The following KATNIP variants were observed in gnomAD, a reference collection of about 807,000 sequenced individuals.
KATNIP encodes the protein katanin interacting protein.
In KATNIP, 126 loss-of-function variants were observed where a neutral mutation model predicts 174.0. The ratio of observed to expected loss-of-function variants is 0.72; its 90% CI spans 0.63 to 0.84. KATNIP has a LOEUF of 0.84. KATNIP is among the 40% of genes least tolerant of loss of function. The pLI is 0.00. For missense variants in KATNIP, 1,958 were observed against 2,109.7 expected, an observed-to-expected ratio of 0.93 and a Z score of 1.41; for synonymous variants, 810 against 835.7, an observed-to-expected ratio of 0.97 and a Z score of 0.53.
chr16:27,552,058 A>T (rs192416243), intron 1 of KATNIP, among the ~76,000 whole-genome samples: 11 of 152,322 alleles, frequency 7.2e-5, no homozygotes, highest in Admixed American at 6.5e-4. Flanking sequence ...AACAACAATA[A>T]ACCCATTACT....
Position 27,766,323 on chromosome 16 carries a change from CCAA to C in KATNIP, c.3827_3829del (p.Asn1276del). On this transcript the variant is annotated inframe_deletion, in exon 20 of 28. Coordinates refer to ENST00000261588, the MANE Select transcript of KATNIP (RefSeq NM_015202.5). ...CATTGCTGCAGGTTAATTGATGGCACCAACATCACCATGGAGGATGAGCATATG... is the reference window on the plus strand; with the variant it reads ...CATTGCTGCAGGTTAATTGATGGCACCATCACCATGGAGGATGAGCATATG... 1 of 1,614,128 alleles carries C rather than the reference CCAA, an allele frequency of 6.2e-7. No individual in the cohort carries two copies. Among genetic ancestry groups the C allele is most frequent in the Non-Finnish European group, 8.5e-7 (1 of 1,180,032 alleles).
chr16:27,687,628 A>G (rs1419935130), intron 8 of KATNIP: 1 of 152,202 alleles, frequency 6.6e-6, no homozygotes, highest in African/African-American at 2.4e-5. Flanking sequence ...CAGAAAAGCT[A>G]ATATAATCTC....
chr16:27,775,497 A>G (rs1487893206), intron 24 of KATNIP, among the ~76,000 whole-genome samples: 1 of 152,228 alleles, frequency 6.6e-6, no homozygotes, highest in Non-Finnish European at 1.5e-5. Flanking sequence ...ATCACCAGGT[A>G]GATGACCCCA....
intron 1 of KATNIP, among the ~76,000 whole-genome samples, chr16:27,568,510 A>C (rs892385918): frequency 6.6e-6 from 1 of 151,874 alleles, no homozygotes; most frequent in Non-Finnish European, 1.5e-5. Context: ...CTCTGTCGCC[A>C]GGCTGGAGTA....
intron 7 of KATNIP, among the ~76,000 whole-genome samples, chr16:27,678,259 T>C (rs2078195288): frequency 6.6e-6 from 1 of 152,238 alleles, no homozygotes; most frequent in South Asian, 2.1e-4. Flanking sequence ...TTGCAGCATC[T>C]ACATACCAGT....
rs770291405 is a variant in KATNIP, at chr16:27,677,731, G to T, written c.543G>T (p.Glu181Asp). 1 of 1,601,080 alleles carries T rather than the reference G, an allele frequency of 6.2e-7. No individual in the cohort carries two copies. Among genetic ancestry groups the T allele is most frequent in the South Asian group, 1.1e-5 (1 of 90,606 alleles). The part of the protein sequence containing the change: ...ANNTSEDRPQ[E>D]LRRSLELSVN... ...TCTCTCTTCTGGGCTTTTTGCAGGA[G>T]CTGAGAAGAAGCCTGGAACTTAGTG... The change falls in exon 7 of 28, where the codon GAG becomes GAT. Residue 181 changes from glutamate (E) to aspartate (D), a missense_variant and splice_region_variant. Around this residue, in one of 3 missense-constraint regions of KATNIP, gnomAD observed 1,557 missense variants for 1,617.8 expected, o/e 0.96. Transcript: ENST00000261588.
chr16:27,654,564 G>A (rs2077208803), intron 6 of KATNIP: 1 of 1,350,598 alleles, frequency 7.4e-7, no homozygotes, highest in Non-Finnish European at 9.8e-7. Context: ...TTCAGGGACA[G>A]GAAGTTGTTT....
intron 11 of KATNIP, among the ~76,000 whole-genome samples, chr16:27,702,472 G>A (rs1330772174): frequency 7.2e-5 from 11 of 152,200 alleles, no homozygotes. Flanking sequence ...GATGCGTCAG[G>A]CTGAGAGCCT....
At chr16:27,591,189 CT>C (rs943005312) in intron 2 of KATNIP, among the ~76,000 whole-genome samples, 356 of 144,014 alleles carry the variant, frequency 2.5e-3, no homozygotes, top group Non-Finnish European at 2.4e-3. Context: ...CACTTTCTTT[CT>C]TTTTTTTTTT....
chr16:27,768,649 C>T (rs1470928261), intron 20 of KATNIP, among the ~76,000 whole-genome samples: 1 of 152,136 alleles, frequency 6.6e-6, no homozygotes, highest in South Asian at 2.1e-4. Context: ...GGTAGGAATC[C>T]CCCTTGAGGA....
intron 3 of KATNIP, among the ~76,000 whole-genome samples, chr16:27,626,095 G>A (rs577539198): frequency 1.6e-4 from 25 of 152,054 alleles, no homozygotes; most frequent in African/African-American, 5.8e-4. Context: ...AAGCAGTCCA[G>A]TCTGCCTGCC....
At chr16:27,718,492 CTAA>C (rs889332414) in intron 13 of KATNIP, 3 of 152,248 alleles carry the variant, frequency 2.0e-5, no homozygotes, top group Admixed American at 6.5e-5. Flanking sequence ...GGCTGGGTTG[CTAA>C]TGAGGCCCAG....
intron 18 of KATNIP, among the ~76,000 whole-genome samples, chr16:27,761,082 G>A (rs557043556): frequency 1.3e-5 from 2 of 152,336 alleles, no homozygotes; most frequent in South Asian, 4.1e-4. Flanking sequence ...GTCTGATGGG[G>A]AATGCGTTGT....
intron 6 of KATNIP, among the ~76,000 whole-genome samples, chr16:27,668,499 A>G (rs2077765836): frequency 6.6e-6 from 1 of 152,202 alleles, no homozygotes; most frequent in Non-Finnish European, 1.5e-5. Context: ...CTCCCCAGCC[A>G]TGTGGAACTG....
chr16:27,603,243 C>T (rs1271609680), intron 2 of KATNIP, among the ~76,000 whole-genome samples: 1 of 152,208 alleles, frequency 6.6e-6, no homozygotes, highest in Non-Finnish European at 1.5e-5. Context: ...AATCATTGAA[C>T]TATGCCTAGA....
chr16:27,684,584 G>A (rs918554930), intron 8 of KATNIP, among the ~76,000 whole-genome samples: 1 of 152,176 alleles, frequency 6.6e-6, no homozygotes, highest in East Asian at 1.9e-4. Flanking sequence ...CAGCCATAAC[G>A]AAGTACCACA....
intron 8 of KATNIP, among the ~76,000 whole-genome samples, chr16:27,697,678 G>A (rs1282433861): frequency 2.0e-5 from 3 of 151,858 alleles, no homozygotes; most frequent in Admixed American, 6.6e-5. Context: ...GTATTGATCT[G>A]TAAATTAAAT....
intron 8 of KATNIP, among the ~76,000 whole-genome samples, chr16:27,693,241 G>A (rs1333253206): frequency 6.6e-6 from 1 of 152,184 alleles, no homozygotes; most frequent in Non-Finnish European, 1.5e-5. Context: ...CCAAGTGACA[G>A]ATGAGAAGGG....
rs368904537 is a variant in KATNIP at position 27,766,359 on chromosome 16, T to A, written c.3860T>A (p.Ile1287Asn). The change falls in exon 20 of 28, where the codon ATC becomes AAC. Residue 1287 changes from isoleucine to asparagine, a missense_variant. Transcript: ENST00000261588. ...ATGGAGGATGAGCATATGTGGCTGA[T>A]CCCCTTCTCGCCGGGGCTGGACCAT... ...ITMEDEHMWL[I>N]PFSPGLDHVV... The A allele has an allele frequency of 3.7e-6, 6 of 1,614,142 alleles. No homozygotes were observed. The highest frequency in any genetic ancestry group is 5.1e-6 in the Non-Finnish European group (6 of 1,180,028).
Sources: gnomAD v4.1 joint callset for allele counts (sites outside exome capture counted in the v4.1 genomes callset) on GRCh38, gnomAD v4.1.1 for gene constraint, gnomAD v4.1.1 regional missense constraint, MANE v1.5 for transcripts, NCBI Gene and HGNC (gene_info 2026-07-23, HGNC 2026-07-21) for gene names.